Variants in LINGO2 observed in about 807,000 individuals in gnomAD.
LINGO2 encodes the protein leucine rich repeat and Ig domain containing 2, also known as leucine-rich repeat and immunoglobulin-like domain-containing nogo receptor-interacting protein 2.
LINGO2 carries 14 observed loss-of-function variants against 30.6 expected under a neutral mutation model. The observed-to-expected ratio is 0.46, with a 90% CI of 0.30 to 0.72. The LOEUF (loss-of-function observed/expected upper bound fraction) is 0.72, where lower values mean the gene tolerates loss of function less well. LINGO2 is among the 30% of genes least tolerant of loss of function. The pLI is 0.07. For missense variants in LINGO2, 729 were observed against 751.7 expected (o/e 0.97, Z 0.35); for synonymous variants, 317 against 288.5 (o/e 1.10, Z -1.00).
At chr9:29,126,574 T>A in the LINGO2 span, among the ~76,000 whole-genome samples, 2 of 152,230 alleles carry the variant, frequency 1.3e-5, no homozygotes, top group African/African-American at 4.8e-5. Flanking sequence ...AGTAGTATCT[T>A]ATGTGCTATT....
the LINGO2 span, among the ~76,000 whole-genome samples, chr9:29,076,335 C>CTTTA: frequency 2.0e-5 from 3 of 151,772 alleles, no homozygotes; most frequent in East Asian, 5.8e-4. Context: ...TTGAAAAATC[C>CTTTA]TTTAGCCTTT....
the LINGO2 span, among the ~76,000 whole-genome samples, chr9:28,735,415 C>T: frequency 6.6e-6 from 1 of 152,100 alleles, no homozygotes; most frequent in Non-Finnish European, 1.5e-5. Context: ...TTTACATTTG[C>T]TGATGCTTTA....
At chr9:28,943,460 G>A in the LINGO2 span, among the ~76,000 whole-genome samples, 2 of 152,140 alleles carry the variant, frequency 1.3e-5, no homozygotes, top group African/African-American at 2.4e-5. Flanking sequence ...ATATATTGTA[G>A]ATTATACAGG....
chr9:28,014,980 A>G (rs1822753707), intron 4 of LINGO2, among the ~76,000 whole-genome samples: 1 of 152,178 alleles, frequency 6.6e-6, no homozygotes, highest in Admixed American at 6.6e-5. Flanking sequence ...TTGTACAAAA[A>G]ATGTGGTGAT....
chr9:28,328,595 C>G (rs1313280011), intron 3 of LINGO2, among the ~76,000 whole-genome samples: 7 of 150,860 alleles, frequency 4.6e-5, no homozygotes, highest in Non-Finnish European at 8.9e-5. Flanking sequence ...ATTTAGAATG[C>G]TAACCTTAAT....
At chr9:28,161,501 A>G (rs1490227557) in intron 4 of LINGO2, among the ~76,000 whole-genome samples, 2 of 152,196 alleles carry the variant, frequency 1.3e-5, no homozygotes, top group Non-Finnish European at 1.5e-5. Flanking sequence ...ATTATTTAGT[A>G]TAAGTGTAAG....
In LINGO2 at chr9:28,129,736, T is replaced by G. The variant is rs952764871; in HGVS notation, c.-86-117331A>C. 42 of 152,328 alleles carry G rather than the reference T, an allele frequency of 2.8e-4. No homozygotes were observed. The highest frequency in any genetic ancestry group is 1.0e-3 in the African/African-American group (42 of 41,582). The allele number at this position is 152,328 out of a possible 1,614,324, so 9.4% of individuals were successfully genotyped here. The stretch of plus-strand genomic sequence containing the variant: ...ATTTCATTGCTCAAATGTACAGAAA[T>G]TTGGTATAGACATATTGCTGGTGAT... On this transcript the variant is annotated intron_variant, in intron 4 of 5. Coordinates refer to ENST00000379992, the Ensembl canonical transcript of LINGO2. This position sits in a 1 kb window ranked among gnomAD's most constrained non-coding sequence, Gnocchi z 4.0.
chr9:29,183,741 TAA>T, the LINGO2 span, among the ~76,000 whole-genome samples: 7 of 152,072 alleles, frequency 4.6e-5, no homozygotes, highest in African/African-American at 1.7e-4. Context: ...TCTGTTCACA[TAA>T]AGTCCCTCAT....
At chr9:28,909,139 C>T in the LINGO2 span, among the ~76,000 whole-genome samples, 1 of 151,858 alleles carries the variant, frequency 6.6e-6, no homozygotes, top group East Asian at 1.9e-4. Context: ...AGACCATGTA[C>T]CCGATTATGC....
rs1350649991 is a variant in LINGO2 at position 28,021,770 on chromosome 9, T to C, written c.-86-9365A>G. Among the ~76,000 whole-genome samples the C allele has an allele frequency of 2.6e-5, 4 of 152,158 alleles. No individual in the cohort carries two copies. The South Asian group carries it at 6.2e-4, about 24-fold the overall frequency. ...CCAGATAATTTTCCTTGTTCTGAAG[T>C]CAGTTTCGTTTAATACACTACTTCT... On this transcript the variant is annotated intron_variant, in intron 4 of 5. Transcript: ENST00000379992.
At chr9:28,094,002 G>A (rs999995028) in intron 4 of LINGO2, among the ~76,000 whole-genome samples, 3 of 152,048 alleles carry the variant, frequency 2.0e-5, no homozygotes, top group Non-Finnish European at 4.4e-5. Context: ...CTTGGATCTG[G>A]CAGCTAGTAG....
the LINGO2 span, among the ~76,000 whole-genome samples, chr9:28,896,554 T>C: frequency 6.6e-6 from 1 of 152,070 alleles, no homozygotes. Flanking sequence ...GTTATCTCTA[T>C]GTAATAGTGA....
chr9:28,941,999 C>A, the LINGO2 span, among the ~76,000 whole-genome samples: 1 of 152,118 alleles, frequency 6.6e-6, no homozygotes, highest in South Asian at 2.1e-4. Flanking sequence ...TTGGGACTGT[C>A]CCTATAGAAG....
At chr9:28,376,087 CTTT>C (rs75147834) in intron 2 of LINGO2, among the ~76,000 whole-genome samples, 160 of 138,708 alleles carry the variant, frequency 1.2e-3, no homozygotes, top group African/African-American at 4.1e-3. Context: ...ACTTTCCTTG[CTTT>C]TTTTTTTTTT....
chr9:28,620,028 G>GTT (rs917792376), intron 1 of LINGO2, among the ~76,000 whole-genome samples: 1 of 152,066 alleles, frequency 6.6e-6, no homozygotes, highest in African/African-American at 2.4e-5. Context: ...TCAGAGACTT[G>GTT]TTTGTCCATG....
intron 4 of LINGO2, among the ~76,000 whole-genome samples, chr9:28,049,521 G>A (rs969998323): frequency 4.7e-5 from 7 of 150,440 alleles, no homozygotes; most frequent in Admixed American, 6.7e-5. Context: ...GAAATAGCAT[G>A]GTGAGTAAGA....
chr9:28,090,570 T>C (rs1224563218), intron 4 of LINGO2, among the ~76,000 whole-genome samples: 2 of 152,062 alleles, frequency 1.3e-5, no homozygotes, highest in East Asian at 3.9e-4. Context: ...TATCACAAAA[T>C]AATAAGAGCT....
chr9:28,482,699 C>T (rs1826023487), intron 1 of LINGO2, among the ~76,000 whole-genome samples: 1 of 152,170 alleles, frequency 6.6e-6, no homozygotes, highest in South Asian at 2.1e-4. Flanking sequence ...AGCATATCTA[C>T]AACTATCTGA....
At chr9:28,702,277 T>C in the LINGO2 span, among the ~76,000 whole-genome samples, 6 of 151,796 alleles carry the variant, frequency 4.0e-5, no homozygotes, top group African/African-American at 1.4e-4. Context: ...TAGATGTTCT[T>C]TACCAAGTAG....
Sources: gnomAD v4.1 joint callset for allele counts (sites outside exome capture counted in the v4.1 genomes callset) on GRCh38, gnomAD v4.1.1 for gene constraint, Gnocchi (gnomAD v3.1) non-coding constraint, MANE v1.5 for transcripts, NCBI Gene and HGNC (gene_info 2026-07-23, HGNC 2026-07-21) for gene names.